The following RTL9 variants were observed in gnomAD, a reference collection of about 807,000 sequenced individuals.
RTL9 encodes retrotransposon Gag-like protein 9.
In RTL9, 19 loss-of-function variants were observed where a neutral mutation model predicts 44.7. That is an observed-to-expected ratio of 0.42 (90% CI 0.30 to 0.62). The LOEUF (loss-of-function observed/expected upper bound fraction) is 0.62. RTL9 is among the 20% of genes least tolerant of loss of function. RTL9 has a pLI of 0.16. For synonymous variants in RTL9, 407 were observed against 398.9 expected (o/e 1.02, Z -0.24); for missense variants, 1,105 against 1,080.6 (o/e 1.02, Z -0.32).
intron 1 of RTL9, among the ~76,000 whole-genome samples, chrX:110,434,356 C>T (rs758394627): frequency 4.4e-4 from 49 of 111,375 alleles, no homozygotes; most frequent in Non-Finnish European, 9.0e-4. Flanking sequence ...CAGTCCTTAC[C>T]AGGGTGTTGA....
chrX:110,395,095 T>C (rs1489569903), intron 1 of RTL9, among the ~76,000 whole-genome samples: 1 of 112,461 alleles, frequency 8.9e-6, no homozygotes, highest in Non-Finnish European at 1.9e-5. Flanking sequence ...GTGGGGAGTG[T>C]ATGTAGGTTG....
At chrX:110,452,446 C>T in exon 1 of RTL9, 4 of 1,211,667 alleles carry the variant, frequency 3.3e-6, no homozygotes, top group Non-Finnish European at 4.5e-6. Flanking sequence ...AGATCTCTGG[C>T]CTCTGGAGCA....
chrX:110,409,749 C>T (rs2068628623), intron 1 of RTL9, among the ~76,000 whole-genome samples: 2 of 110,905 alleles, frequency 1.8e-5, no homozygotes, highest in South Asian at 7.8e-4. Context: ...AAAGGAATGG[C>T]TAAAGCCTTC....
At chrX:110,390,483 G>A (rs2068487236) in intron 1 of RTL9, among the ~76,000 whole-genome samples, 1 of 111,950 alleles carries the variant, frequency 8.9e-6, no homozygotes, top group Non-Finnish European at 1.9e-5. Context: ...GCAGCCAGAA[G>A]TGTTTTTTTA....
intron 1 of RTL9, among the ~76,000 whole-genome samples, chrX:110,395,511 C>T (rs955065934): frequency 6.2e-5 from 7 of 112,276 alleles, no homozygotes; most frequent in South Asian, 3.7e-4. Flanking sequence ...CATTTTGTCA[C>T]GATTTAACAG....
rs771183261 is a variant in RTL9, at chrX:110,454,088, A to C, written c.3471A>C (p.Ala1157=). ...GCTACCTCTTAGAAGAGCAGGAAGCAGCCCGGGGCTCATGCTCTGTGGAGG... is the reference window on the plus strand; with the variant it reads ...GCTACCTCTTAGAAGAGCAGGAAGCCGCCCGGGGCTCATGCTCTGTGGAGG... Residue 1157 remains alanine, a synonymous_variant, in exon 1 of 2, where the codon GCA becomes GCC. Coordinates refer to ENST00000540313, the Ensembl canonical transcript of RTL9. 6.9e-5 allele frequency: 83 copies of C among 1,210,597 alleles called. 1 individual carries two copies. In the East Asian group the frequency reaches 2.0e-3, roughly 29 times the overall value.
At chrX:110,390,028 GT>G (rs915320528) in intron 1 of RTL9, among the ~76,000 whole-genome samples, 1 of 109,216 alleles carries the variant, frequency 9.2e-6, no homozygotes, top group Admixed American at 9.7e-5. Context: ...ACCATTAGTT[GT>G]TTTTTTTTCA....
At chrX:110,379,541 C>A (rs2068403814) in intron 1 of RTL9, among the ~76,000 whole-genome samples, 2 of 111,813 alleles carry the variant, frequency 1.8e-5, no homozygotes, top group Non-Finnish European at 3.8e-5. Context: ...ACTTCCCAAG[C>A]ATGTGATTTT....
chrX:110,432,403 G>A (rs1278091524), intron 1 of RTL9, among the ~76,000 whole-genome samples: 1 of 112,206 alleles, frequency 8.9e-6, no homozygotes, highest in Non-Finnish European at 1.9e-5. Flanking sequence ...CAATCCCCAA[G>A]GGTGAGTGGT....
chrX:110,417,376 T>C (rs754894378), upstream of RTL9, among the ~76,000 whole-genome samples: 7 of 112,358 alleles, frequency 6.2e-5, no homozygotes, highest in South Asian at 3.7e-4. Flanking sequence ...GCTGCAGAGG[T>C]TCTGGGCTAG....
intron 1 of RTL9, among the ~76,000 whole-genome samples, chrX:110,391,989 C>A (rs2209183): frequency 0.013 from 1,431 of 112,212 alleles, 17 homozygotes; most frequent in Middle Eastern, 0.028. Flanking sequence ...CATAATGTTT[C>A]ATTTAAAAGA....
intron 1 of RTL9, among the ~76,000 whole-genome samples, chrX:110,373,353 C>A (rs1267710591): frequency 8.9e-6 from 1 of 111,771 alleles, no homozygotes; most frequent in Non-Finnish European, 1.9e-5. Context: ...ATTCACAGTA[C>A]CCACATAATG....
In RTL9 at chrX:110,452,919, T is replaced by C. The variant is rs1326842119; in HGVS notation, c.2302T>C (p.Ser768Pro). 1.4e-5 allele frequency: 17 copies of C among 1,209,969 alleles called. No homozygotes were observed. The highest frequency in any genetic ancestry group is 1.9e-5 in the Non-Finnish European group (17 of 895,264). The change falls in exon 1 of 2, where the codon TCC (serine) becomes CCC (proline). Residue 768 changes from serine (S) to proline (P), a missense_variant. Coordinates refer to ENST00000540313, the Ensembl canonical transcript of RTL9. ...GAGAGCCTGGACCTCTGAAACAATG[T>C]CCACACCACTAATGAGAACCTCAGA...
At chrX:110,387,769 A>G (rs957986748) in intron 1 of RTL9, among the ~76,000 whole-genome samples, 1 of 110,215 alleles carries the variant, frequency 9.1e-6, no homozygotes, top group African/African-American at 3.3e-5. Flanking sequence ...GTCTGGATGC[A>G]TATTGTTTAG....
At chrX:110,394,194 T>G (rs2068513491) in intron 1 of RTL9, among the ~76,000 whole-genome samples, 1 of 112,982 alleles carries the variant, frequency 8.9e-6, no homozygotes, top group South Asian at 3.7e-4. Context: ...TTGTTAATGT[T>G]TAATTAACTT....
Position 110,383,133 on chromosome X carries a change from G to A in RTL9, c.-168+24217G>A, listed in dbSNP as rs777926969. On this transcript the variant is annotated intron_variant, in intron 1 of 2. Coordinates refer to the RTL9 transcript ENST00000520821. ...AACCACCCCTCTTCCCAGAGTGTGTGTATACAAGATGAGTTACTTAAGATT... is the reference window on the plus strand; with the variant it reads ...AACCACCCCTCTTCCCAGAGTGTGTATATACAAGATGAGTTACTTAAGATT... Among the ~76,000 whole-genome samples, 24 of 111,655 alleles carry A rather than the reference G, an allele frequency of 2.1e-4. 1 individual carries two copies. Among genetic ancestry groups the A allele is most frequent in the Non-Finnish European group, 7.5e-5 (4 of 53,079 alleles).
chrX:110,438,830 G>A (rs1291974811), intron 1 of RTL9, among the ~76,000 whole-genome samples: 1 of 112,023 alleles, frequency 8.9e-6, no homozygotes, highest in Non-Finnish European at 1.9e-5. Context: ...CTTATCCTTT[G>A]CCTTTGCTAA....
upstream of RTL9, among the ~76,000 whole-genome samples, chrX:110,418,703 G>A (rs1207950438): frequency 1.8e-5 from 2 of 111,743 alleles, no homozygotes; most frequent in Admixed American, 9.5e-5. Context: ...ATCAGAGACA[G>A]CGCATGGGAG....
chrX:110,410,161 G>C (rs966806555), intron 1 of RTL9, among the ~76,000 whole-genome samples: 8 of 111,459 alleles, frequency 7.2e-5, no homozygotes, highest in Admixed American at 2.9e-4. Flanking sequence ...GGGTCACAGA[G>C]CAAGTCATGG....
Sources: gnomAD v4.1 joint callset for allele counts (sites outside exome capture counted in the v4.1 genomes callset) on GRCh38, gnomAD v4.1.1 for gene constraint, MANE v1.5 for transcripts, NCBI Gene and HGNC (gene_info 2026-07-23, HGNC 2026-07-21) for gene names.